The following HACD1 variants were observed in gnomAD, a reference collection of about 807,000 sequenced individuals.
HACD1 encodes very-long-chain (3R)-3-hydroxyacyl-CoA dehydratase 1.
In HACD1, 41 loss-of-function variants were observed where a neutral mutation model predicts 32.0. The ratio of observed to expected loss-of-function variants is 1.28; its 90% CI spans 1.00 to 1.66. HACD1 has a LOEUF of 1.66. Among genes scored for constraint, HACD1 ranks in the 40% most tolerant of loss-of-function variants. The pLI is 0.00. For missense variants in HACD1, 396 were observed against 380.1 expected (o/e 1.04, Z -0.35); for synonymous variants, 142 against 139.0 (o/e 1.02, Z -0.15).
intron 6 of HACD1, 49 bp from the exon 7 acceptor site, chr10:17,590,495 A>T (rs1554815490): frequency 2.2e-6 from 3 of 1,384,916 alleles, no homozygotes; most frequent in Non-Finnish European, 1.0e-6. Context: ...CTTTAAAATT[A>T]TTTATACTTG....
chr10:17,591,228 C>T (rs1032090212), intron 6 of HACD1, among the ~76,000 whole-genome samples: 16 of 143,480 alleles, frequency 1.1e-4, no homozygotes, highest in Non-Finnish European at 6.2e-5. Flanking sequence ...ATACCCCTCA[C>T]AAACAGCTGC....
Position 17,590,369 on chromosome 10 carries a change from C to A in HACD1, c.862G>T (p.Asp288Tyr), listed in dbSNP as rs1554815463. The A allele has an allele frequency of 1.3e-6, 2 of 1,587,532 alleles. No homozygotes were observed. Among genetic ancestry groups the A allele is most frequent in the Non-Finnish European group, 1.7e-6 (2 of 1,161,922 alleles). ...LHGEVIVEKD[D>Y] ...ACCTTGTTTGCAGAGATCATTTAAT[C>A]ATCCTTTTCTACAATCACCTCTCCA... The change falls in exon 7 of 7, where the codon GAT becomes TAT. Residue 288 changes from aspartate (D) to tyrosine (Y), a missense_variant. Transcript: ENST00000361271.
At position 17,604,028 on chromosome 10, in the gene HACD1, C is replaced by A. The variant is rs1834108676; in HGVS notation, c.277G>T (p.Ala93Ser). The change falls in exon 2 of 7, where the codon GCC becomes TCC. Residue 93 changes from alanine to serine, a missense_variant. Coordinates refer to ENST00000361271, the MANE Select transcript of HACD1 (RefSeq NM_014241.4). ...TTTTCCATATAAAAACGTACCATGG[C>A]AATAGCTAGAACCAACCACCTAAAA... is the stretch of plus-strand genomic sequence containing the variant. ...MTAGWLVLAI[A>S]MVRFYMEKGT... The A allele has an allele frequency of 7.5e-6, 12 of 1,589,540 alleles. No individual in the cohort carries two copies. The highest frequency in any genetic ancestry group is 1.0e-5 in the Non-Finnish European group (12 of 1,172,446).
chr10:17,593,007 G>A (rs1299684386), intron 6 of HACD1, among the ~76,000 whole-genome samples: 1 of 152,098 alleles, frequency 6.6e-6, no homozygotes, highest in East Asian at 1.9e-4. Context: ...TTTGAGACCA[G>A]CCTGGCCAAT....
At position 17,613,006 on chromosome 10, in the gene HACD1, T is replaced by G. The variant is rs191048878; in HGVS notation, c.257+4077A>C. ...AAGATAAAAAGAAAATGAAAGTGTG[T>G]GATAGGCTGATAAAATAACAAGCTG... On this transcript the variant is annotated intron_variant, in intron 1 of 6. Coordinates refer to ENST00000361271, the MANE Select transcript of HACD1 (RefSeq NM_014241.4). Among the ~76,000 whole-genome samples, 242 of 152,104 alleles carry G rather than the reference T, an allele frequency of 1.6e-3. 1 individual carries two copies. Among genetic ancestry groups the G allele is most frequent in the African/African-American group, 5.4e-3 (226 of 41,510 alleles).
chr10:17,599,095 A>AT, intron 5 of HACD1, 195 bp downstream of exon 5: 2 of 1,027,396 alleles, frequency 1.9e-6, no homozygotes, highest in Non-Finnish European at 1.3e-6. Context: ...ATATTTATTA[A>AT]TACGATTCCT....
chr10:17,615,879 A>G (rs977918013), intron 1 of HACD1: 10 of 424,004 alleles, frequency 2.4e-5, no homozygotes, highest in Non-Finnish European at 4.8e-5. Context: ...AGGCAGGAGA[A>G]TCGCTTGAAC....
intron 4 of HACD1, among the ~76,000 whole-genome samples, chr10:17,602,343 T>C (rs574403157): frequency 1.3e-5 from 2 of 152,178 alleles, no homozygotes; most frequent in Non-Finnish European, 2.9e-5. Context: ...AGTGCTGGGA[T>C]TACAGGCTTG....
chr10:17,613,779 C>T (rs1233347961), intron 1 of HACD1, among the ~76,000 whole-genome samples: 2 of 152,048 alleles, frequency 1.3e-5, no homozygotes, highest in Non-Finnish European at 1.5e-5. Context: ...GCAGGAGACC[C>T]GGAAAACTTC....
chr10:17,595,934 C>A (rs1388753876), intron 5 of HACD1, among the ~76,000 whole-genome samples: 1 of 151,894 alleles, frequency 6.6e-6, no homozygotes, highest in Non-Finnish European at 1.5e-5. Flanking sequence ...GGCAGTGAGC[C>A]AAGACCGCAC....
At chr10:17,607,118 TTTAA>T (rs1347569408) in intron 1 of HACD1, among the ~76,000 whole-genome samples, 10 of 152,192 alleles carry the variant, frequency 6.6e-5, no homozygotes, top group Non-Finnish European at 1.5e-4. Context: ...GCTCAAATAT[TTTAA>T]TTGATAGTAG....
At chr10:17,594,432 G>C (rs1439329667) in intron 5 of HACD1, 49 bp from the exon 6 acceptor site, 1 of 1,352,058 alleles carries the variant, frequency 7.4e-7, no homozygotes, top group African/African-American at 1.5e-5. Context: ...ATAATTATTA[G>C]ACTTTACATT....
chr10:17,603,749 A>G lies in HACD1; in HGVS notation c.376-5T>C. 4 of 1,593,286 alleles carry G rather than the reference A, an allele frequency of 2.5e-6. No individual in the cohort carries two copies. The highest frequency in any genetic ancestry group is 3.4e-6 in the Non-Finnish European group (4 of 1,163,006). ...ACCAATTAAACAGTGAACTATCTGTAAGCAAATAGAAAAAAATCATTACGT... is the reference window on the plus strand; with the variant it reads ...ACCAATTAAACAGTGAACTATCTGTGAGCAAATAGAAAAAAATCATTACGT... On this transcript the variant is annotated splice_polypyrimidine_tract_variant and splice_region_variant and intron_variant, in intron 2 of 6. Coordinates refer to ENST00000361271, the MANE Select transcript of HACD1 (RefSeq NM_014241.4).
At chr10:17,592,966 C>A (rs1054393701) in intron 6 of HACD1, among the ~76,000 whole-genome samples, 1 of 152,146 alleles carries the variant, frequency 6.6e-6, no homozygotes, top group Non-Finnish European at 1.5e-5. Context: ...CTTTGGGAGA[C>A]CAAGGTGGGT....
Position 17,599,535 on chromosome 10 carries a change from A to G in HACD1, c.484-124T>C, listed in dbSNP as rs45495902. ...AATGTTAGGGTTAGGCAAATGCAAT[A>G]TAGAAAACTTAATGCAGTCACCATT... On this transcript the variant is annotated intron_variant, in intron 4 of 6. Coordinates refer to ENST00000361271, the MANE Select transcript of HACD1 (RefSeq NM_014241.4). 77,694 of 1,393,440 alleles carry G rather than the reference A, an allele frequency of 0.056. 2,291 individuals carry two copies. The highest frequency in any genetic ancestry group is 0.097 in the Middle Eastern group (470 of 4,826). The allele number at this position is 1,393,440 out of a possible 1,614,324, so 86.3% of individuals were successfully genotyped here. A position where few individuals can be genotyped will look rare whatever the true frequency, so the allele number is the denominator to read the frequency against.
intron 1 of HACD1, among the ~76,000 whole-genome samples, chr10:17,606,243 T>G (rs545205310): frequency 1.3e-5 from 2 of 152,348 alleles, no homozygotes; most frequent in Admixed American, 1.3e-4. Context: ...AACTTACGTT[T>G]GCATATAAAT....
At chr10:17,590,502 C>G in intron 6 of HACD1, 56 bp from the exon 7 acceptor site, 1 of 1,310,810 alleles carries the variant, frequency 7.6e-7, no homozygotes, top group South Asian at 1.3e-5. Context: ...ATTATTTATA[C>G]TTGAAACCTG....
At chr10:17,615,117 A>G (rs532412162) in intron 1 of HACD1, among the ~76,000 whole-genome samples, 19 of 152,380 alleles carry the variant, frequency 1.2e-4, no homozygotes, top group African/African-American at 3.8e-4. Flanking sequence ...GAATGCATTT[A>G]AAGGCAGCAT....
At chr10:17,594,900 C>A (rs1370087509) in intron 5 of HACD1, among the ~76,000 whole-genome samples, 1 of 151,152 alleles carries the variant, frequency 6.6e-6, no homozygotes, top group Admixed American at 6.6e-5. Flanking sequence ...ACTCTGTCGC[C>A]TAGACTGGAG....
Sources: allele counts gnomAD v4.1 joint callset (sites outside exome capture counted in the v4.1 genomes callset), GRCh38; gene constraint gnomAD v4.1.1; transcripts MANE v1.5; gene names NCBI Gene and HGNC (gene_info 2026-07-23, HGNC 2026-07-21).